RGS6: variants seen among roughly 807,000 people sequenced by gnomAD.
RGS6 encodes regulator of G protein signaling 6.
A neutral mutation model predicts 78.5 loss-of-function variants in RGS6; 30 were observed. The ratio of observed to expected loss-of-function variants is 0.38; its 90% CI spans 0.29 to 0.52. The LOEUF (loss-of-function observed/expected upper bound fraction) is 0.52. RGS6 is among the 20% of genes least tolerant of loss of function. The pLI is 0.85. For missense variants in RGS6, 495 were observed against 609.7 expected, an observed-to-expected ratio of 0.81 and a Z score of 1.98; for synonymous variants, 206 against 206.0, an observed-to-expected ratio of 1.00 and a Z score of 0.00.
At chr14:71,991,426 G>A (rs1006719323) in intron 2 of RGS6, among the ~76,000 whole-genome samples, 1 of 152,104 alleles carries the variant, frequency 6.6e-6, no homozygotes, top group African/African-American at 2.4e-5. Flanking sequence ...TCTCACCAAT[G>A]AAAAATACCT....
chr14:71,936,015 G>GATCTATATATATATATAT (rs1555390358), intron 1 of RGS6, among the ~76,000 whole-genome samples: 1 of 63,800 alleles, frequency 1.6e-5, no homozygotes, highest in Non-Finnish European at 3.3e-5. Context: ...GAACTAATAG[G>GATCTATATATATATATAT]ATATATATAT....
intron 7 of RGS6, among the ~76,000 whole-genome samples, chr14:72,467,250 C>T (rs956217386): frequency 5.3e-5 from 8 of 152,096 alleles, no homozygotes; most frequent in African/African-American, 1.9e-4. Flanking sequence ...CCCTATATGT[C>T]TTCCAAAGGA....
chr14:72,517,163 A>G (rs1361569525), intron 14 of RGS6, among the ~76,000 whole-genome samples: 2 of 151,290 alleles, frequency 1.3e-5, no homozygotes, highest in African/African-American at 4.9e-5. Flanking sequence ...AAACAAGTAC[A>G]TCTTACTTTG....
At chr14:72,497,461 C>T (rs1210627250) in intron 13 of RGS6, among the ~76,000 whole-genome samples, 2 of 152,026 alleles carry the variant, frequency 1.3e-5, no homozygotes, top group Non-Finnish European at 2.9e-5. Context: ...GAATCTCATT[C>T]TTTGTTCTTG....
chr14:71,945,986 T>C (rs1250429866), intron 1 of RGS6, among the ~76,000 whole-genome samples: 1 of 152,124 alleles, frequency 6.6e-6, no homozygotes, highest in Non-Finnish European at 1.5e-5. Flanking sequence ...TGCTACAGTG[T>C]TTAGATTCCA....
At chr14:72,410,910 T>C (rs1416291764) in intron 3 of RGS6, among the ~76,000 whole-genome samples, 12 of 152,318 alleles carry the variant, frequency 7.9e-5, no homozygotes, top group African/African-American at 1.2e-4. Context: ...AGGGCTCTGT[T>C]CTGTTCCATT....
At chr14:72,315,662 G>A (rs2069945372) in intron 2 of RGS6, among the ~76,000 whole-genome samples, 1 of 152,148 alleles carries the variant, frequency 6.6e-6, no homozygotes, top group African/African-American at 2.4e-5. Flanking sequence ...ATGTTTATGT[G>A]CCAGGCGCCA....
At chr14:72,371,975 G>A (rs1566653302) in intron 3 of RGS6, among the ~76,000 whole-genome samples, 2 of 152,094 alleles carry the variant, frequency 1.3e-5, no homozygotes, top group African/African-American at 2.4e-5. Context: ...CACTAAAATC[G>A]CTGGATGAGA....
At chr14:71,984,295 T>C (rs1290467935) in intron 2 of RGS6, among the ~76,000 whole-genome samples, 1 of 66,958 alleles carries the variant, frequency 1.5e-5, no homozygotes, top group African/African-American at 7.2e-5. Context: ...AACTGAATTA[T>C]GTTAAAAAAA....
At chr14:72,473,332 G>T (rs930956536) in intron 9 of RGS6, among the ~76,000 whole-genome samples, 6 of 152,062 alleles carry the variant, frequency 3.9e-5, no homozygotes, top group Non-Finnish European at 7.4e-5. Flanking sequence ...TAGTCCCAGC[G>T]ACTCGGGAGG....
intron 2 of RGS6, among the ~76,000 whole-genome samples, chr14:72,147,927 T>G (rs189679109): frequency 3.3e-5 from 5 of 151,956 alleles, no homozygotes; most frequent in Admixed American, 6.6e-5. Context: ...GTCAGGAGAT[T>G]GAGACCATCC....
At chr14:71,923,640 T>C in the RGS6 span, among the ~76,000 whole-genome samples, 1 of 152,156 alleles carries the variant, frequency 6.6e-6, no homozygotes, top group Non-Finnish European at 1.5e-5. Flanking sequence ...TGCAACATCA[T>C]GAGTGAATCT....
intron 2 of RGS6, among the ~76,000 whole-genome samples, chr14:72,075,878 C>G (rs1475945712): frequency 6.6e-6 from 1 of 152,184 alleles, no homozygotes; most frequent in African/African-American, 2.4e-5. Flanking sequence ...CATCAGTTGT[C>G]TCTATTCGTC....
intron 2 of RGS6, among the ~76,000 whole-genome samples, chr14:72,207,278 C>A (rs962793510): frequency 6.6e-6 from 1 of 152,066 alleles, no homozygotes; most frequent in African/African-American, 2.4e-5. Context: ...TGTGATTATT[C>A]CCTGCATATT....
chr14:72,465,938 G>A, intron 7 of RGS6, 116 bp downstream of exon 7: 1 of 721,386 alleles, frequency 1.4e-6, no homozygotes, highest in South Asian at 1.9e-5. Flanking sequence ...TCAGACAGTG[G>A]AAGGGAAGTA....
At chr14:72,553,972 G>A (rs1263006017) in intron 17 of RGS6, among the ~76,000 whole-genome samples, 1 of 152,252 alleles carries the variant, frequency 6.6e-6, no homozygotes, top group African/African-American at 2.4e-5. Flanking sequence ...CTGTAGCTAA[G>A]AGTTCCAATG....
At chr14:72,510,065 G>A (rs2096859795) in intron 13 of RGS6, 89 bp from the exon 14 acceptor site, 1 of 1,434,142 alleles carries the variant, frequency 7.0e-7, no homozygotes, top group East Asian at 2.4e-5. Context: ...GTGAGTGACT[G>A]CAAAACAGAC....
the RGS6 span, among the ~76,000 whole-genome samples, chr14:72,619,564 C>G: frequency 2.0e-5 from 3 of 152,204 alleles, no homozygotes; most frequent in Admixed American, 2.0e-4. Flanking sequence ...CAACTCTTAT[C>G]AAGACCCTCA....
intron 2 of RGS6, among the ~76,000 whole-genome samples, chr14:72,126,127 T>A (rs1038124577): frequency 1.3e-5 from 2 of 152,220 alleles, no homozygotes; most frequent in Admixed American, 1.3e-4. Flanking sequence ...AGCTACTACT[T>A]AGATACTTTG....
Sources: gnomAD v4.1 joint callset for allele counts (sites outside exome capture counted in the v4.1 genomes callset) on GRCh38, gnomAD v4.1.1 for gene constraint, MANE v1.5 for transcripts, NCBI Gene and HGNC (gene_info 2026-07-23, HGNC 2026-07-21) for gene names.